MBD5: variants seen among roughly 807,000 people sequenced by gnomAD.
MBD5 encodes the protein methyl-CpG-binding domain protein 5.
MBD5 carries 13 observed loss-of-function variants against 117.3 expected under a neutral mutation model. The observed-to-expected ratio is 0.11, with a 90% CI of 0.07 to 0.18. The LOEUF is 0.18. MBD5 is among the 10% of genes least tolerant of loss of function. The pLI is 1.00. For synonymous variants in MBD5, 727 were observed against 766.4 expected (o/e 0.95, Z 0.85); for missense variants, 1,879 against 2,093.8 (o/e 0.90, Z 2.00).
chr2:148,358,765 G>A (rs10208839), intron 4 of MBD5, among the ~76,000 whole-genome samples: 1 of 151,820 alleles, frequency 6.6e-6, no homozygotes, highest in East Asian at 1.9e-4. Flanking sequence ...CACTCCAGCC[G>A]GGGTGACAAG....
chr2:148,317,650 A>C, intron 3 of MBD5, among the ~76,000 whole-genome samples: 3 of 150,224 alleles, frequency 2.0e-5, no homozygotes, highest in East Asian at 2.0e-4. Flanking sequence ...CTATTATTCC[A>C]CTCTGTATGT....
chr2:148,373,892 A>G (rs146308784), intron 4 of MBD5, among the ~76,000 whole-genome samples: 296 of 152,220 alleles, frequency 1.9e-3, no homozygotes, highest in Non-Finnish European at 3.4e-3. Flanking sequence ...CTTACCTTAT[A>G]TCAGTAGTAA....
intron 11 of MBD5, among the ~76,000 whole-genome samples, chr2:148,494,048 A>C (rs977043555): frequency 6.6e-6 from 1 of 152,212 alleles, no homozygotes; most frequent in Non-Finnish European, 1.5e-5. Flanking sequence ...AATACTGTAG[A>C]TTATTATCTA....
Position 148,231,558 on chromosome 2 carries a change from T to C in MBD5, c.-830-1687T>C, listed in dbSNP as rs58811619. Reference sequence around the variant, plus strand: ...TCTTATGAAGGTGCTTTTTTTTGTGTAGATAGTTATTGAATTGATGTCCTT... The same window carrying C: ...TCTTATGAAGGTGCTTTTTTTTGTGCAGATAGTTATTGAATTGATGTCCTT... On this transcript the variant is annotated intron_variant, in intron 2 of 13. Coordinates refer to ENST00000642680, the MANE Select transcript of MBD5 (RefSeq NM_001378120.1). 8.8e-3 allele frequency among the ~76,000 whole-genome samples: 1,335 copies of C among 152,136 alleles called. 12 individuals carry two copies. The highest frequency in any genetic ancestry group is 0.03 in the African/African-American group (1,237 of 41,496).
chr2:148,325,632 T>C (rs1449634423), intron 3 of MBD5, among the ~76,000 whole-genome samples: 2 of 152,220 alleles, frequency 1.3e-5, no homozygotes, highest in African/African-American at 4.8e-5. Context: ...TAGAGGTGTT[T>C]GTAGTATTCT....
intron 3 of MBD5, among the ~76,000 whole-genome samples, chr2:148,255,906 T>C (rs1700577905): frequency 6.6e-6 from 1 of 152,236 alleles, no homozygotes; most frequent in Non-Finnish European, 1.5e-5. Flanking sequence ...CAGTGAAATG[T>C]GTTCTCCTCT....
intron 4 of MBD5, among the ~76,000 whole-genome samples, chr2:148,383,174 T>A (rs188252567): frequency 6.6e-6 from 1 of 152,150 alleles, no homozygotes; most frequent in Non-Finnish European, 1.5e-5. Context: ...GGAGCTGTTT[T>A]TTTGAAAAGA....
intron 4 of MBD5, among the ~76,000 whole-genome samples, chr2:148,343,730 A>G (rs775427971): frequency 1.5e-4 from 23 of 151,714 alleles, no homozygotes; most frequent in Non-Finnish European, 2.2e-4. Flanking sequence ...TGGATTGTCT[A>G]TTTACTCTGT....
chr2:148,284,598 A>G (rs1377388844), intron 3 of MBD5, among the ~76,000 whole-genome samples: 1 of 152,094 alleles, frequency 6.6e-6, no homozygotes, highest in Non-Finnish European at 1.5e-5. Context: ...CCCTATCTCA[A>G]TGGAGTAATT....
intron 4 of MBD5, among the ~76,000 whole-genome samples, chr2:148,436,561 G>A (rs531363263): frequency 3.9e-5 from 6 of 151,916 alleles, no homozygotes; most frequent in South Asian, 2.1e-4. Flanking sequence ...TAGTAGAGAC[G>A]GGGTTTCTCC....
intron 3 of MBD5, among the ~76,000 whole-genome samples, chr2:148,316,787 A>C (rs560886639): frequency 2.6e-5 from 4 of 152,338 alleles, no homozygotes; most frequent in Admixed American, 2.6e-4. Context: ...TTGTACATAC[A>C]AGATAGAAGC....
Position 148,510,218 on chromosome 2 carries a change from T to C in MBD5, c.5112+83T>C, listed in dbSNP as rs1682176618. ...CTTTTTGGTAAAGTCTCTTGAGTAT[T>C]GTCAAACAACTCACATAGCAATACT... On this transcript the variant is annotated intron_variant, in intron 13 of 13. Transcript: ENST00000642680. The C allele has an allele frequency of 6.0e-6, 6 of 1,004,474 alleles. No individual in the cohort carries two copies. The South Asian group carries it at 8.0e-5, about 13-fold the overall frequency. The allele number at this position is 1,004,474 out of a possible 1,614,324, so 62.2% of individuals were successfully genotyped here.
chr2:148,115,755 T>A (rs1477451644), intron 1 of MBD5, among the ~76,000 whole-genome samples: 2 of 152,230 alleles, frequency 1.3e-5, no homozygotes, highest in Non-Finnish European at 2.9e-5. Context: ...TTTTTGCCTT[T>A]GTGTCATGTT....
chr2:148,314,740 G>A (rs1270219293), intron 3 of MBD5, among the ~76,000 whole-genome samples: 1 of 152,052 alleles, frequency 6.6e-6, no homozygotes, highest in Non-Finnish European at 1.5e-5. Context: ...GCCTGTTTCA[G>A]TAGTTTTTTC....
intron 2 of MBD5, among the ~76,000 whole-genome samples, chr2:148,214,231 T>G (rs1393024932): frequency 6.6e-6 from 1 of 152,196 alleles, no homozygotes; most frequent in African/African-American, 2.4e-5. Context: ...GAGACCCAGG[T>G]CTTTGTGGAG....
chr2:148,358,753 T>C, intron 4 of MBD5, among the ~76,000 whole-genome samples: 1 of 151,980 alleles, frequency 6.6e-6, no homozygotes, highest in South Asian at 2.1e-4. Flanking sequence ...GGCATGCCAC[T>C]GCACTCCAGC....
chr2:148,505,808 A>C (rs995564227), intron 12 of MBD5, among the ~76,000 whole-genome samples: 1 of 152,230 alleles, frequency 6.6e-6, no homozygotes, highest in Non-Finnish European at 1.5e-5. Flanking sequence ...GGAAGGTGTC[A>C]TTTGGAGCAA....
intron 4 of MBD5, among the ~76,000 whole-genome samples, chr2:148,366,491 A>G (rs1703703270): frequency 6.6e-6 from 1 of 152,164 alleles, no homozygotes; most frequent in South Asian, 2.1e-4. Context: ...GTCAGGCAAG[A>G]GAAAGAAATA....
intron 2 of MBD5, among the ~76,000 whole-genome samples, chr2:148,198,312 T>G (rs1440779596): frequency 6.6e-6 from 1 of 152,224 alleles, no homozygotes; most frequent in East Asian, 1.9e-4. Context: ...TGAGTTCTAA[T>G]GGTCCCAAGA....
Sources: allele counts gnomAD v4.1 joint callset (sites outside exome capture counted in the v4.1 genomes callset), GRCh38; gene constraint gnomAD v4.1.1; transcripts MANE v1.5; gene names NCBI Gene and HGNC (gene_info 2026-07-23, HGNC 2026-07-21).